The following WDPCP variants were observed in gnomAD, a reference collection of about 807,000 sequenced individuals.
The protein encoded by WDPCP is WD repeat containing planar cell polarity effector, also known as WD repeat-containing and planar cell polarity effector protein fritz homolog.
Under a neutral mutation model 93.1 loss-of-function variants are expected in WDPCP, and 71 were observed. The observed-to-expected ratio is 0.76, with a 90% CI of 0.63 to 0.93. WDPCP has a LOEUF of 0.93. Among genes scored for constraint, WDPCP ranks in the 40% least tolerant of loss-of-function variants. WDPCP has a pLI of 0.00. For synonymous variants in WDPCP, 315 were observed against 315.0 expected, an observed-to-expected ratio of 1.00 and a Z score of 0.00; for missense variants, 844 against 887.4, an observed-to-expected ratio of 0.95 and a Z score of 0.62.
chr2:63,287,546 C>A (rs1248281392), intron 13 of WDPCP, among the ~76,000 whole-genome samples: 1 of 152,170 alleles, frequency 6.6e-6, no homozygotes, highest in Admixed American at 6.5e-5. Flanking sequence ...TAGCAATCTT[C>A]TCCTCTTGAC....
At position 63,445,151 on chromosome 2, in the gene WDPCP, T is replaced by TA. The variant is rs564543441; in HGVS notation, c.385-5281dup. Among the ~76,000 whole-genome samples, 242 of 139,184 alleles carry TA rather than the reference T, an allele frequency of 1.7e-3. 1 individual carries two copies. The highest frequency in any genetic ancestry group is 5.2e-3 in the African/African-American group (206 of 39,958). The allele number at this position is 139,184 out of a possible 152,430, so 91.3% of individuals were successfully genotyped here. ...TCTGAGTTTTGTTCATTCAGTAAGT[T>TA]AAAAAAAAACACGTAAGTGCCTCCT... On this transcript the variant is annotated intron_variant, in intron 6 of 17. Coordinates refer to ENST00000272321, the MANE Select transcript of WDPCP (RefSeq NM_015910.7).
chr2:63,770,177 T>C (rs1250690053), intron 2 of WDPCP, among the ~76,000 whole-genome samples: 1 of 151,956 alleles, frequency 6.6e-6, no homozygotes, highest in Non-Finnish European at 1.5e-5. Context: ...CAACAAATAT[T>C]GGAAACTTTT....
intron 2 of WDPCP, chr2:63,752,607 T>C (rs1669902616): frequency 1.8e-6 from 1 of 556,390 alleles, no homozygotes; most frequent in African/African-American, 1.9e-5. Context: ...TCAGGCTCTT[T>C]AGGATACTGA....
chr2:63,186,495 T>G (rs1054803040), intron 14 of WDPCP, among the ~76,000 whole-genome samples: 1 of 152,220 alleles, frequency 6.6e-6, no homozygotes, highest in Non-Finnish European at 1.5e-5. Context: ...AGATCCCAGG[T>G]CTGAGAAAAA....
At chr2:63,437,335 A>G in intron 8 of WDPCP, 86 bp downstream of exon 8, 1 of 1,098,642 alleles carries the variant, frequency 9.1e-7, no homozygotes, top group South Asian at 1.8e-5. Context: ...GAAATGTTGA[A>G]GAATAATGAG....
intron 2 of WDPCP, among the ~76,000 whole-genome samples, chr2:63,708,466 C>T (rs942111400): frequency 6.6e-6 from 1 of 152,212 alleles, no homozygotes; most frequent in Non-Finnish European, 1.5e-5. Context: ...GTTTGTTAAG[C>T]CCGTTGGGAA....
intron 2 of WDPCP, among the ~76,000 whole-genome samples, chr2:63,734,902 CAGACAGAT>C (rs754303823): frequency 1.4e-5 from 2 of 144,474 alleles, no homozygotes; most frequent in Admixed American, 6.8e-5. Context: ...GACAGACAGA[CAGACAGAT>C]AGATAGATGA....
At position 63,390,597 on chromosome 2, in the gene WDPCP, A is replaced by C. The variant is rs576561879; in HGVS notation, c.1436-8503T>G. On this transcript the variant is annotated intron_variant, in intron 10 of 17. Transcript: ENST00000272321. ...AGACACAAAAAAACCTTTCAAAAAA[A>C]TCAATGAATCCGGGAGCTGGTTTTT... is the stretch of plus-strand genomic sequence containing the variant. Among the ~76,000 whole-genome samples the C allele has an allele frequency of 3.2e-3, 480 of 152,350 alleles. 4 individuals carry two copies. The highest frequency in any genetic ancestry group is 0.011 in the African/African-American group (454 of 41,588).
intron 14 of WDPCP, among the ~76,000 whole-genome samples, chr2:63,203,912 C>A (rs1053220728): frequency 3.3e-5 from 5 of 152,138 alleles, no homozygotes; most frequent in Non-Finnish European, 7.4e-5. Flanking sequence ...GAATAGTATG[C>A]CATTGTGCAT....
intron 3 of WDPCP, among the ~76,000 whole-genome samples, chr2:63,597,015 T>G (rs2106610632): frequency 6.6e-6 from 1 of 152,366 alleles, no homozygotes; most frequent in South Asian, 2.1e-4. Context: ...ATTGGTGTCT[T>G]AGACCTTAAA....
At chr2:63,669,443 T>A (rs1234956467) in intron 2 of WDPCP, among the ~76,000 whole-genome samples, 7 of 151,714 alleles carry the variant, frequency 4.6e-5, no homozygotes, top group Non-Finnish European at 1.0e-4. Flanking sequence ...CACTGCAACC[T>A]CCACCTCCTG....
rs61734466 is a variant in WDPCP at position 63,404,150 on chromosome 2, C to G, written c.1333G>C (p.Ala445Pro). Reference protein sequence around the residue: ...SSSLVQMQWIAPQVVSQKGEG... With the variant: ...SSSLVQMQWIPPQVVSQKGEG... Reference sequence around the variant, plus strand: ...CCCTTCTGAGAAACAACCTGAGGAGCTATCCATTGCATTTGAACAAGACTG... The same window carrying G: ...CCCTTCTGAGAAACAACCTGAGGAGGTATCCATTGCATTTGAACAAGACTG... The change falls in exon 10 of 18, where the codon GCT (alanine) becomes CCT (proline). Residue 445 changes from alanine to proline, a missense_variant. Coordinates refer to ENST00000272321, the MANE Select transcript of WDPCP (RefSeq NM_015910.7). 7.6e-3 allele frequency: 12,230 copies of G among 1,614,098 alleles called. 61 individuals carry two copies. Among genetic ancestry groups the G allele is most frequent in the Non-Finnish European group, 9.6e-3 (11,284 of 1,179,994 alleles).
intron 9 of WDPCP, among the ~76,000 whole-genome samples, chr2:63,432,549 T>G (rs536489489): frequency 6.6e-6 from 1 of 152,188 alleles, no homozygotes; most frequent in Non-Finnish European, 1.5e-5. Context: ...ACCATTAATG[T>G]GCACATGCAG....
chr2:63,120,786 G>A lies in WDPCP; in HGVS notation c.*1220C>T, dbSNP rs1669508677. Among the ~76,000 whole-genome samples, 1 of 151,168 alleles carries A rather than the reference G, an allele frequency of 6.6e-6. No individual in the cohort carries two copies. The highest frequency in any genetic ancestry group is 1.5e-5 in the Non-Finnish European group (1 of 67,834). ...CCTGACCTCGTGATTCGCCCGCCTT[G>A]GCCTCCCAAAGTGCTGGGATTACAG... On this transcript the variant is annotated 3_prime_UTR_variant, in exon 18 of 18. Transcript: ENST00000272321.
chr2:63,247,759 C>T (rs1163898482), intron 14 of WDPCP, among the ~76,000 whole-genome samples: 2 of 151,262 alleles, frequency 1.3e-5, no homozygotes, highest in Admixed American at 6.6e-5. Flanking sequence ...ACAGTTAACC[C>T]GTAATTACTG....
At chr2:63,202,884 C>T (rs4671465) in intron 14 of WDPCP, among the ~76,000 whole-genome samples, 97,511 of 151,884 alleles carry the variant, frequency 0.64, 32,572 homozygotes, top group Middle Eastern at 0.77. Context: ...GTGTATCTTA[C>T]ATTCAGCCTA....
chr2:63,321,323 A>AGT (rs1487462337), intron 12 of WDPCP, among the ~76,000 whole-genome samples: 2 of 58,752 alleles, frequency 3.4e-5, no homozygotes, highest in Non-Finnish European at 5.7e-5. Flanking sequence ...CTATTATCAG[A>AGT]GTATATATAT....
At chr2:63,122,823 C>A in intron 17 of WDPCP, among the ~76,000 whole-genome samples, 2 of 151,978 alleles carry the variant, frequency 1.3e-5, no homozygotes, top group East Asian at 3.8e-4. Flanking sequence ...TAATTGGAGA[C>A]ATTTTACTTA....
chr2:63,826,328 G>T (rs901509830), intron 1 of WDPCP, among the ~76,000 whole-genome samples: 4 of 151,318 alleles, frequency 2.6e-5, no homozygotes, highest in Non-Finnish European at 5.9e-5. Flanking sequence ...ACTCTGCCTC[G>T]CTAGTGGGTA....
Sources: gnomAD v4.1 joint callset for allele counts (sites outside exome capture counted in the v4.1 genomes callset) on GRCh38, gnomAD v4.1.1 for gene constraint, MANE v1.5 for transcripts, NCBI Gene and HGNC (gene_info 2026-07-23, HGNC 2026-07-21) for gene names.